Variants in MOCS1 observed in about 807,000 individuals in gnomAD.
MOCS1 encodes the protein molybdenum cofactor synthesis 1, also known as molybdenum cofactor biosynthesis protein 1.
In MOCS1, 39 loss-of-function variants were observed where a neutral mutation model predicts 57.6. The observed-to-expected ratio is 0.68, with a 90% CI of 0.52 to 0.88. The LOEUF (loss-of-function observed/expected upper bound fraction) is 0.88, where lower values mean the gene tolerates loss of function less well. Among genes scored for constraint, MOCS1 ranks in the 40% least tolerant of loss-of-function variants. The probability of loss-of-function intolerance (pLI) is 0.00; values close to 1 mark genes in which losing one functional copy is unlikely to be tolerated. For missense variants in MOCS1, 795 were observed against 831.1 expected (o/e 0.96, Z 0.53); for synonymous variants, 334 against 335.7 (o/e 1.00, Z 0.05).
chr6:39,906,101 C>T lies in MOCS1; in HGVS notation c.*256G>A. The T allele has an allele frequency of 1.5e-6, 1 of 662,092 alleles. No individual in the cohort carries two copies. Among genetic ancestry groups the T allele is most frequent in the Non-Finnish European group, 2.8e-6 (1 of 362,214 alleles). 41.0% of individuals were successfully genotyped at this position (662,092 alleles called of 1,614,324 possible). A position where few individuals can be genotyped will look rare whatever the true frequency, so the allele number is the denominator to read the frequency against. ...GTTATCTGGCATTGCTTGTTGCAGT[C>T]CCGCTCCCACGACCTTAGTGTCCTG... On this transcript the variant is annotated 3_prime_UTR_variant, in exon 11 of 11. Coordinates refer to ENST00000340692, the MANE Select transcript of MOCS1 (RefSeq NM_001358530.2).
Position 39,906,801 on chromosome 6 carries a change from T to G in MOCS1, c.1467A>C (p.Gly489=). 1 of 1,614,180 alleles carries G rather than the reference T, an allele frequency of 6.2e-7. No homozygotes were observed. Among genetic ancestry groups the G allele is most frequent in the Non-Finnish European group, 8.5e-7 (1 of 1,180,030 alleles). The change falls in exon 11 of 11, where the codon GGA becomes GGC. Residue 489 remains glycine, a synonymous_variant. Transcript: ENST00000340692. Reference sequence around the variant, plus strand: ...TGCCCACATCTACCATAGCTGCCCGTCCTTCCGAGTCCACATGAGTTAGTT... The same window carrying G: ...TGCCCACATCTACCATAGCTGCCCGGCCTTCCGAGTCCACATGAGTTAGTT... ...SEQLTHVDSE[G]RAAMVDVGRK...
At chr6:39,909,986 T>C in intron 8 of MOCS1, 31 bp from the exon 9 acceptor site, 1 of 1,610,672 alleles carries the variant, frequency 6.2e-7, no homozygotes, top group Non-Finnish European at 8.5e-7. Flanking sequence ...TATGCCTTCC[T>C]TACCCCTGAG....
intron 8 of MOCS1, among the ~76,000 whole-genome samples, chr6:39,910,956 A>G (rs773993160): frequency 1.5e-4 from 23 of 152,186 alleles, no homozygotes; most frequent in Non-Finnish European, 2.8e-4. Context: ...GCACAGCTCA[A>G]GTGCCAATGA....
chr6:39,904,626 G>A lies in MOCS1; in HGVS notation c.*1731C>T, dbSNP rs1305274318. 1 of 454,156 alleles carries A rather than the reference G, an allele frequency of 2.2e-6. No homozygotes were observed. Among genetic ancestry groups the A allele is most frequent in the Admixed American group, 2.3e-5 (1 of 42,578 alleles). 28.1% of individuals were successfully genotyped at this position (454,156 alleles called of 1,614,324 possible). A position where few individuals can be genotyped will look rare whatever the true frequency, so the allele number is the denominator to read the frequency against. On this transcript the variant is annotated 3_prime_UTR_variant, in exon 11 of 11. Transcript: ENST00000340692. ...GGAGGAGAAAATTCTCCAGGTGAAT[G>A]GGGAAGGGTCTGTTCCAGCCTCTCC...
At position 39,905,007 on chromosome 6, in the gene MOCS1, G is replaced by A. The variant is rs911551346; in HGVS notation, c.*1350C>T. ...AATTTTGCAAGCCATTTGACATACT[G>A]GTAGCTTGAAATTATTCAACATGGG... On this transcript the variant is annotated 3_prime_UTR_variant, in exon 11 of 11. Coordinates refer to ENST00000340692, the MANE Select transcript of MOCS1 (RefSeq NM_001358530.2). The A allele has an allele frequency of 4.4e-6, 2 of 453,974 alleles. No homozygotes were observed. The highest frequency in any genetic ancestry group is 8.8e-6 in the Non-Finnish European group (2 of 226,768). The allele number at this position is 453,974 out of a possible 1,614,324, so 28.1% of individuals were successfully genotyped here.
At chr6:39,909,735 C>G (rs1767203418) in intron 9 of MOCS1, 100 bp downstream of exon 9, 1 of 1,535,022 alleles carries the variant, frequency 6.5e-7, no homozygotes. Context: ...CAGCTTCCCC[C>G]TAGGTGTTCC....
chr6:39,904,268 A>C lies in MOCS1; in HGVS notation c.*2089T>G. ...CAGAGCTCAGCCTTCTCACTCTAAA[A>C]GAAAGATATTTTTCTATTTATTTTC... On this transcript the variant is annotated 3_prime_UTR_variant, in exon 11 of 11. Transcript: ENST00000340692. 2.2e-6 allele frequency: 1 copy of C among 456,616 alleles called. No homozygotes were observed. The highest frequency in any genetic ancestry group is 1.6e-5 in the South Asian group (1 of 64,478). 28.3% of individuals were successfully genotyped at this position (456,616 alleles called of 1,614,324 possible).
At position 39,905,967 on chromosome 6, in the gene MOCS1, T is replaced by TC. The variant is rs1394640898; in HGVS notation, c.*389dup. 8.6e-6 allele frequency: 4 copies of TC among 463,196 alleles called. No homozygotes were observed. Among genetic ancestry groups the TC allele is most frequent in the Non-Finnish European group, 1.7e-5 (4 of 231,868 alleles). 28.7% of individuals were successfully genotyped at this position (463,196 alleles called of 1,614,324 possible). On this transcript the variant is annotated 3_prime_UTR_variant, in exon 11 of 11. Transcript: ENST00000340692. Reference sequence around the variant, plus strand: ...CTCTGCTTAATGAGCGCTTAATCTCTCCCCAGGAAAGCAGGAGAAGAGAAA... The same window carrying TC: ...CTCTGCTTAATGAGCGCTTAATCTCTCCCCCAGGAAAGCAGGAGAAGAGAAA...
At chr6:39,920,124 G>A (rs764271046) in intron 3 of MOCS1, among the ~76,000 whole-genome samples, 43 of 151,958 alleles carry the variant, frequency 2.8e-4, no homozygotes, top group Non-Finnish European at 5.3e-4. Flanking sequence ...ACATGACCAG[G>A]AATTACACAG....
At chr6:39,919,322 C>CA (rs1045062040) in intron 3 of MOCS1, among the ~76,000 whole-genome samples, 15 of 151,754 alleles carry the variant, frequency 9.9e-5, no homozygotes, top group African/African-American at 3.6e-4. Context: ...CTGTTTCTAC[C>CA]AAAAATACAA....
Position 39,927,416 on chromosome 6 carries a change from C to T in MOCS1, c.163G>A (p.Ala55Thr), listed in dbSNP as rs762546266. Reference sequence around the variant, plus strand: ...TCTGTGAGGAAGGCGGAGAAGGGGGCCGCATGCTCCCGCAGGAACTGCCTC... The same window carrying T: ...TCTGTGAGGAAGGCGGAGAAGGGGGTCGCATGCTCCCGCAGGAACTGCCTC... Reference protein sequence around the residue: ...RRRQFLREHAAPFSAFLTDSF... With the variant: ...RRRQFLREHATPFSAFLTDSF... The change falls in exon 2 of 11, where the codon GCC becomes ACC. Residue 55 changes from alanine (A) to threonine (T), a missense_variant. By Grantham distance (58) the Ala-to-Thr change is moderately conservative. Transcript: ENST00000340692. 1.9e-6 allele frequency: 3 copies of T among 1,612,236 alleles called. No individual in the cohort carries two copies. The highest frequency in any genetic ancestry group is 8.5e-7 in the Non-Finnish European group (1 of 1,179,710).
chr6:39,922,437 G>A (rs890213199), intron 3 of MOCS1, among the ~76,000 whole-genome samples: 23 of 152,232 alleles, frequency 1.5e-4, no homozygotes, highest in Admixed American at 3.3e-4. Flanking sequence ...ATCAGCTATC[G>A]TTAGTGTTCG....
chr6:39,912,011 G>A (rs906570754), intron 8 of MOCS1, among the ~76,000 whole-genome samples: 7 of 152,194 alleles, frequency 4.6e-5, no homozygotes, highest in Admixed American at 4.6e-4. Context: ...CTGGAAAGGA[G>A]CTCCCAATAA....
intron 9 of MOCS1, among the ~76,000 whole-genome samples, chr6:39,909,492 T>C (rs1381380380): frequency 6.6e-6 from 1 of 151,942 alleles, no homozygotes; most frequent in Non-Finnish European, 1.5e-5. Flanking sequence ...CAAAGAACAG[T>C]CTGTGGACAT....
intron 3 of MOCS1, among the ~76,000 whole-genome samples, chr6:39,923,857 T>C (rs1768116237): frequency 6.6e-6 from 1 of 152,200 alleles, no homozygotes; most frequent in South Asian, 2.1e-4. Flanking sequence ...CTTCCTCCAG[T>C]GGGCCACAGG....
In MOCS1 at chr6:39,913,759, G is replaced by A; in HGVS notation, c.645+15C>T. The A allele has an allele frequency of 6.2e-7, 1 of 1,614,070 alleles. No individual in the cohort carries two copies. The highest frequency in any genetic ancestry group is 1.1e-5 in the South Asian group (1 of 91,084). Reference sequence around the variant, plus strand: ...GGAGGGAAGTCGGGAATCTACGGCAGGGGCACGGCCTCACCTTCACAGGGT... The same window carrying A: ...GGAGGGAAGTCGGGAATCTACGGCAAGGGCACGGCCTCACCTTCACAGGGT... On this transcript the variant is annotated intron_variant, in intron 5 of 10. Coordinates refer to ENST00000340692, the MANE Select transcript of MOCS1 (RefSeq NM_001358530.2).
At chr6:39,924,908 G>A (rs939790102) in intron 3 of MOCS1, among the ~76,000 whole-genome samples, 7 of 152,174 alleles carry the variant, frequency 4.6e-5, no homozygotes, top group African/African-American at 1.2e-4. Flanking sequence ...GTGAAACCCC[G>A]TCTCTGCTAA....
At chr6:39,916,044 C>T (rs200819904) in intron 4 of MOCS1, 24 bp downstream of exon 4, 65 of 1,584,744 alleles carry the variant, frequency 4.1e-5, no homozygotes, top group Non-Finnish European at 5.1e-5. Context: ...GGGAGGGACA[C>T]CCACCCCATC....
intron 6 of MOCS1, 22 bp from the exon 7 acceptor site, chr6:39,913,026 G>A: frequency 6.2e-7 from 1 of 1,601,884 alleles, no homozygotes; most frequent in Admixed American, 1.7e-5. Flanking sequence ...ATGGGGGAAG[G>A]CAAGGGGAGC....
Sources: allele counts gnomAD v4.1 joint callset (sites outside exome capture counted in the v4.1 genomes callset), GRCh38; gene constraint gnomAD v4.1.1; transcripts MANE v1.5; gene names NCBI Gene and HGNC (gene_info 2026-07-23, HGNC 2026-07-21).